Variants in PALM2AKAP2 observed in about 807,000 individuals in gnomAD.
PALM2AKAP2 encodes PALM2 and AKAP2 fusion.
In PALM2AKAP2, 37 loss-of-function variants were observed where a neutral mutation model predicts 71.5. The observed-to-expected ratio is 0.52, with a 90% CI of 0.40 to 0.68. PALM2AKAP2 has a LOEUF of 0.68. PALM2AKAP2 is among the 30% of genes least tolerant of loss of function. The probability of loss-of-function intolerance (pLI) is 0.00; values close to 1 mark genes in which losing one functional copy is unlikely to be tolerated. For missense variants in PALM2AKAP2, 1,224 were observed against 1,191.8 expected, an observed-to-expected ratio of 1.03 and a Z score of -0.40; for synonymous variants, 468 against 478.8, an observed-to-expected ratio of 0.98 and a Z score of 0.29.
chr9:109,756,925 T>C (rs1828972621), intron 1 of PALM2AKAP2, among the ~76,000 whole-genome samples: 1 of 152,146 alleles, frequency 6.6e-6, no homozygotes, highest in African/African-American at 2.4e-5. Context: ...TCTGGGTATT[T>C]AAGAAGTCTA....
At chr9:109,852,372 A>G (rs955306463) in intron 1 of PALM2AKAP2, among the ~76,000 whole-genome samples, 1 of 152,138 alleles carries the variant, frequency 6.6e-6, no homozygotes, top group Non-Finnish European at 1.5e-5. Flanking sequence ...ACATGATTTC[A>G]TTCTTTTTTA....
intron 1 of PALM2AKAP2, among the ~76,000 whole-genome samples, chr9:109,837,113 T>C (rs1343730813): frequency 2.6e-5 from 4 of 152,144 alleles, no homozygotes; most frequent in African/African-American, 9.7e-5. Context: ...GAAAAAATGT[T>C]AAGGGCAGCC....
intron 1 of PALM2AKAP2, among the ~76,000 whole-genome samples, chr9:110,086,948 C>G (rs1233503004): frequency 1.3e-5 from 2 of 152,180 alleles, no homozygotes; most frequent in African/African-American, 4.8e-5. Context: ...ATTGCTCTGG[C>G]TTTATTTCTT....
intron 1 of PALM2AKAP2, among the ~76,000 whole-genome samples, chr9:110,126,489 G>C (rs1835607299): frequency 6.6e-6 from 1 of 152,184 alleles, no homozygotes; most frequent in Admixed American, 6.5e-5. Flanking sequence ...GGTTTATTCT[G>C]GGGTAGGGAC....
At chr9:110,168,910 A>G (rs1474170665) in exon 4 of PALM2AKAP2, 1 of 158,008 alleles carries the variant, frequency 6.3e-6, no homozygotes. Context: ...TACATGGCAC[A>G]GGATATTTCC....
intron 3 of PALM2AKAP2, among the ~76,000 whole-genome samples, chr9:109,917,411 T>C (rs752132525): frequency 6.6e-6 from 1 of 152,096 alleles, no homozygotes; most frequent in South Asian, 2.1e-4. Flanking sequence ...CGAATGCGTC[T>C]CTTTAGCACC....
intron 1 of PALM2AKAP2, among the ~76,000 whole-genome samples, chr9:109,845,285 T>C (rs760264156): frequency 3.2e-4 from 49 of 152,206 alleles, no homozygotes; most frequent in Non-Finnish European, 5.9e-4. Context: ...AAGAGCTATC[T>C]CCTGGGCAGC....
At chr9:109,766,397 T>G (rs897960166) in intron 1 of PALM2AKAP2, among the ~76,000 whole-genome samples, 1 of 151,976 alleles carries the variant, frequency 6.6e-6, no homozygotes, top group African/African-American at 2.4e-5. Context: ...AAGGGAGGGG[T>G]AGAAGATTAA....
intron 1 of PALM2AKAP2, among the ~76,000 whole-genome samples, chr9:109,837,369 C>G (rs995168562): frequency 6.6e-6 from 1 of 152,098 alleles, no homozygotes; most frequent in African/African-American, 2.4e-5. Flanking sequence ...AAAAGAGCTC[C>G]TGAAGGAAGC....
intron 1 of PALM2AKAP2, among the ~76,000 whole-genome samples, chr9:109,802,532 C>G (rs1827462665): frequency 6.6e-6 from 1 of 152,228 alleles, no homozygotes; most frequent in Non-Finnish European, 1.5e-5. Context: ...ATTTAACAGT[C>G]TAATGCAGGT....
At chr9:109,796,271 G>T (rs1358272360) in intron 1 of PALM2AKAP2, among the ~76,000 whole-genome samples, 1 of 151,478 alleles carries the variant, frequency 6.6e-6, no homozygotes, top group African/African-American at 2.5e-5. Flanking sequence ...AATGTGCTTT[G>T]ATTGATTGAT....
chr9:109,803,004 T>C (rs151133648), intron 1 of PALM2AKAP2, among the ~76,000 whole-genome samples: 2,130 of 152,334 alleles, frequency 0.014, 19 homozygotes, highest in Non-Finnish European at 0.021. Flanking sequence ...ATTATTAAGA[T>C]GCTTGCTAGT....
intron 6 of PALM2AKAP2, among the ~76,000 whole-genome samples, chr9:109,949,490 G>C (rs1419922766): frequency 1.3e-5 from 2 of 152,200 alleles, no homozygotes; most frequent in African/African-American, 2.4e-5. Flanking sequence ...TTAAGGAATA[G>C]TATTTTTATA....
At chr9:109,943,070 C>A (rs760366429) in intron 6 of PALM2AKAP2, 1 of 1,614,222 alleles carries the variant, frequency 6.2e-7, no homozygotes, top group Admixed American at 1.7e-5. Flanking sequence ...GGGCAGCAGG[C>A]CCAAGCCCCC....
intron 1 of PALM2AKAP2, among the ~76,000 whole-genome samples, chr9:109,680,617 A>T (rs753289959): frequency 6.6e-6 from 1 of 152,246 alleles, no homozygotes; most frequent in Non-Finnish European, 1.5e-5. Context: ...AATCATTAAA[A>T]TATTTTAAAA....
chr9:110,170,119 T>C (rs1587889179), exon 4 of PALM2AKAP2: 1 of 152,474 alleles, frequency 6.6e-6, no homozygotes, highest in South Asian at 2.1e-4. Flanking sequence ...CTTTAATCTT[T>C]CTGTCATTTA....
chr9:109,774,024 TA>T (rs1829313123), intron 1 of PALM2AKAP2, among the ~76,000 whole-genome samples: 4 of 152,174 alleles, frequency 2.6e-5, no homozygotes, highest in Admixed American at 6.5e-5. Context: ...CAGGATTTAG[TA>T]GGCAGGCCAC....
intron 1 of PALM2AKAP2, among the ~76,000 whole-genome samples, chr9:109,703,122 T>C (rs1220127570): frequency 6.6e-6 from 1 of 152,200 alleles, no homozygotes; most frequent in East Asian, 1.9e-4. Flanking sequence ...CCTGGCCTAT[T>C]TTTTACCATT....
intron 1 of PALM2AKAP2, among the ~76,000 whole-genome samples, chr9:109,795,103 C>G (rs991886687): frequency 2.0e-5 from 3 of 152,186 alleles, no homozygotes; most frequent in Admixed American, 2.0e-4. Flanking sequence ...TAATTTTCTG[C>G]TGTCTGTGGG....
Sources: gnomAD v4.1 joint callset for allele counts (sites outside exome capture counted in the v4.1 genomes callset) on GRCh38, gnomAD v4.1.1 for gene constraint, MANE v1.5 for transcripts, NCBI Gene and HGNC (gene_info 2026-07-23, HGNC 2026-07-21) for gene names.